The following CHLSN variants were observed in gnomAD, a reference collection of about 807,000 sequenced individuals.
The protein encoded by CHLSN is cholesin.
At chr7:1,108,942 G>C in the CHLSN span, among the ~76,000 whole-genome samples, 3 of 148,774 alleles carry the variant, frequency 2.0e-5, no homozygotes, top group Admixed American at 2.0e-4. Context: ...TGTCGCCCAG[G>C]CTGGAGTGCA....
the CHLSN span, chr7:1,056,931 A>G: frequency 6.5e-6 from 1 of 152,894 alleles, no homozygotes; most frequent in Non-Finnish European, 1.5e-5. Flanking sequence ...TCATTCAGTG[A>G]CGTCAAGACT....
the CHLSN span, among the ~76,000 whole-genome samples, chr7:1,017,581 G>A: frequency 6.6e-6 from 1 of 152,212 alleles, no homozygotes; most frequent in South Asian, 2.1e-4. Flanking sequence ...CGGGGTGGAG[G>A]ACAGCGAGAC....
the CHLSN span, among the ~76,000 whole-genome samples, chr7:1,016,969 C>CCAGCACACAGCAGCGCACAG: frequency 9.6e-6 from 1 of 103,716 alleles, no homozygotes; most frequent in African/African-American, 4.5e-5. Flanking sequence ...GCAGCACACG[C>CCAGCACACAGCAGCGCACAG]CAGCACACAC....
the CHLSN span, chr7:988,780 G>A: frequency 6.3e-7 from 1 of 1,596,640 alleles, no homozygotes; most frequent in South Asian, 1.1e-5. Context: ...CTTTTACCAT[G>A]AGGCCGAGGG....
chr7:1,103,266 C>T, the CHLSN span, among the ~76,000 whole-genome samples: 1,433 of 152,322 alleles, frequency 9.4e-3, 21 homozygotes, highest in African/African-American at 0.032. Context: ...TGGGCAAGGA[C>T]GAAAGCTTCA....
the CHLSN span, among the ~76,000 whole-genome samples, chr7:1,079,463 C>T: frequency 6.6e-6 from 1 of 152,248 alleles, no homozygotes; most frequent in Non-Finnish European, 1.5e-5. Flanking sequence ...TCAGAAGCCA[C>T]TCAACTGTCT....
the CHLSN span, among the ~76,000 whole-genome samples, chr7:980,845 G>A: frequency 2.6e-5 from 4 of 151,988 alleles, no homozygotes; most frequent in Admixed American, 2.0e-4. Context: ...CCGCTATCAC[G>A]CCCGGCTAAT....
chr7:1,049,670 G>A, the CHLSN span, among the ~76,000 whole-genome samples: 1 of 152,200 alleles, frequency 6.6e-6, no homozygotes, highest in Non-Finnish European at 1.5e-5. Context: ...CCTATTAGCA[G>A]GCTTACTACG....
At chr7:1,000,089 C>A in the CHLSN span, among the ~76,000 whole-genome samples, 5 of 152,248 alleles carry the variant, frequency 3.3e-5, no homozygotes, top group African/African-American at 1.2e-4. Context: ...TGGTTTCTGC[C>A]CTGAAGGCCG....
At chr7:1,121,038 ACAAAAACGGAT>A in the CHLSN span, among the ~76,000 whole-genome samples, 1 of 151,140 alleles carries the variant, frequency 6.6e-6, no homozygotes, top group Non-Finnish European at 1.5e-5. Context: ...TTACTCAGCC[ACAAAAACGGAT>A]CAAAAACGGA....
chr7:997,798 C>T, the CHLSN span: 7 of 1,603,440 alleles, frequency 4.4e-6, no homozygotes, highest in East Asian at 2.3e-5. Context: ...AAGTGCTCAT[C>T]GGGAACCTGG....
chr7:1,016,708 CCAGCGCACAGCAGCACACAG>C, the CHLSN span, among the ~76,000 whole-genome samples: 1 of 96,150 alleles, frequency 1.0e-5, no homozygotes, highest in Non-Finnish European at 2.0e-5. Flanking sequence ...CCAGCACACG[CCAGCGCACAGCAGCACACAG>C]CAGCACACGC....
At chr7:1,110,812 TA>T in the CHLSN span, among the ~76,000 whole-genome samples, 341 of 136,560 alleles carry the variant, frequency 2.5e-3, 1 homozygote, top group African/African-American at 3.2e-3. Flanking sequence ...TAGAAGTGGT[TA>T]AAAAAAAAAA....
At chr7:1,008,547 G>A in the CHLSN span, among the ~76,000 whole-genome samples, 21,385 of 152,134 alleles carry the variant, frequency 0.14, 1,921 homozygotes, top group African/African-American at 0.27. Context: ...TGACTCAACT[G>A]GTTCCAGCCG....
the CHLSN span, among the ~76,000 whole-genome samples, chr7:1,075,747 G>C: frequency 0.022 from 3,381 of 151,292 alleles, 130 homozygotes; most frequent in African/African-American, 0.079. Context: ...CGAGTAGCTG[G>C]GACTACAGGT....
chr7:1,096,529 C>T, the CHLSN span, among the ~76,000 whole-genome samples: 235 of 152,352 alleles, frequency 1.5e-3, 1 homozygote, highest in Non-Finnish European at 2.8e-3. This position sits in a 1 kb window ranked among gnomAD's most constrained non-coding sequence, Gnocchi z 4.6. Flanking sequence ...CCTTCTCAAG[C>T]GCTTGCCTGG....
the CHLSN span, among the ~76,000 whole-genome samples, chr7:1,008,683 A>C: frequency 6.6e-6 from 1 of 152,160 alleles, no homozygotes; most frequent in Non-Finnish European, 1.5e-5. Context: ...CAGGGCAGCC[A>C]AGAGCCCCTC....
chr7:1,106,078 G>A, the CHLSN span, among the ~76,000 whole-genome samples: 5,152 of 152,196 alleles, frequency 0.034, 286 homozygotes, highest in African/African-American at 0.12. Context: ...GGAAACGAAC[G>A]GGAAATGCAG....
the CHLSN span, among the ~76,000 whole-genome samples, chr7:995,081 G>A: frequency 0.22 from 33,698 of 152,214 alleles, 3,922 homozygotes; most frequent in African/African-American, 0.27. Context: ...CAGGAGTCCC[G>A]CACAAGCGCC....
Sources: allele counts gnomAD v4.1 joint callset (sites outside exome capture counted in the v4.1 genomes callset), GRCh38; gene constraint gnomAD v4.1.1; non-coding constraint Gnocchi (gnomAD v3.1); transcripts MANE v1.5; gene names NCBI Gene and HGNC (gene_info 2026-07-23, HGNC 2026-07-21).